Variants in ABLIM1 observed in about 807,000 individuals in gnomAD.
ABLIM1 encodes the protein actin binding LIM protein 1, also known as actin-binding LIM protein 1.
ABLIM1 carries 40 observed loss-of-function variants against 107.0 expected under a neutral mutation model. That is an observed-to-expected ratio of 0.37 (90% confidence interval 0.29 to 0.49). The LOEUF is 0.49. Among genes scored for constraint, ABLIM1 ranks in the 20% least tolerant of loss-of-function variants. ABLIM1 has a pLI of 0.97. For missense variants in ABLIM1, 857 were observed against 1,008.5 expected (o/e 0.85, Z 2.04); for synonymous variants, 357 against 357.3 (o/e 1.00, Z 0.01).
At chr10:114,733,529 A>G (rs1308977909) in intron 1 of ABLIM1, among the ~76,000 whole-genome samples, 1 of 152,208 alleles carries the variant, frequency 6.6e-6, no homozygotes, top group Admixed American at 6.5e-5. Context: ...ATGCTGAGCT[A>G]AAGTTATTTA....
chr10:114,594,376 T>C (rs1271437571), intron 2 of ABLIM1, among the ~76,000 whole-genome samples: 1 of 152,244 alleles, frequency 6.6e-6, no homozygotes, highest in Non-Finnish European at 1.5e-5. Context: ...CAGAAGATAA[T>C]GTTACTGTCT....
At chr10:114,749,368 C>T (rs1771388914) in intron 1 of ABLIM1, among the ~76,000 whole-genome samples, 1 of 151,858 alleles carries the variant, frequency 6.6e-6, no homozygotes, top group African/African-American at 2.4e-5. Flanking sequence ...GTACAGGACA[C>T]ATTCTTTGTT....
chr10:114,457,806 T>C (rs1212481374), intron 12 of ABLIM1, among the ~76,000 whole-genome samples: 1 of 152,204 alleles, frequency 6.6e-6, no homozygotes, highest in South Asian at 2.1e-4. Flanking sequence ...GCATGATGGC[T>C]TATGCCTGAA....
intron 6 of ABLIM1, among the ~76,000 whole-genome samples, chr10:114,510,064 A>G (rs745603859): frequency 6.6e-6 from 1 of 152,124 alleles, no homozygotes; most frequent in Non-Finnish European, 1.5e-5. Flanking sequence ...ACTACCTTCC[A>G]CCAGGTCCCT....
At chr10:114,447,504 C>T (rs902378756) in intron 15 of ABLIM1, among the ~76,000 whole-genome samples, 3 of 152,190 alleles carry the variant, frequency 2.0e-5, no homozygotes, top group East Asian at 3.8e-4. Context: ...TACAAACATT[C>T]GGTAAATTCA....
chr10:114,640,144 C>A (rs922965604), intron 1 of ABLIM1, among the ~76,000 whole-genome samples: 2 of 152,190 alleles, frequency 1.3e-5, no homozygotes, highest in Non-Finnish European at 2.9e-5. Flanking sequence ...GGGCAACTAG[C>A]GCTGTCTTCC....
intron 7 of ABLIM1, among the ~76,000 whole-genome samples, chr10:114,490,609 T>C (rs1299745702): frequency 1.3e-5 from 2 of 152,132 alleles, no homozygotes; most frequent in Non-Finnish European, 2.9e-5. Flanking sequence ...CTTGTTTGAT[T>C]AATAACTCTT....
intron 4 of ABLIM1, among the ~76,000 whole-genome samples, chr10:114,559,442 A>AAAAAAG (rs1324433267): frequency 8.5e-6 from 1 of 117,558 alleles, no homozygotes; most frequent in Non-Finnish European, 1.6e-5. Context: ...GTCTCTCAAA[A>AAAAAAG]AAAAAAAAAA....
rs1227532962 is a variant in ABLIM1 at position 114,433,251 on chromosome 10, T to C, written c.*3009A>G. On this transcript the variant is annotated 3_prime_UTR_variant, in exon 23 of 23. Transcript: ENST00000533213. ...ACAGGGTAGGGTAAAAGCAGACCAATAGCCATCTTGTGTGCTGTGACCAGG... is the reference window on the plus strand; with the variant it reads ...ACAGGGTAGGGTAAAAGCAGACCAACAGCCATCTTGTGTGCTGTGACCAGG... The C allele has an allele frequency of 2.0e-5, 3 of 152,204 alleles. No individual in the cohort carries two copies. Among genetic ancestry groups the C allele is most frequent in the East Asian group, 1.9e-4 (1 of 5,178 alleles). The allele number at this position is 152,204 out of a possible 1,614,324, so 9.4% of individuals were successfully genotyped here. A position where few individuals can be genotyped will look rare whatever the true frequency, so the allele number is the denominator to read the frequency against.
intron 4 of ABLIM1, among the ~76,000 whole-genome samples, chr10:114,550,197 G>C (rs181654967): frequency 6.0e-4 from 91 of 152,198 alleles, no homozygotes; most frequent in African/African-American, 2.2e-3. Context: ...GGTCATAAAA[G>C]ATTAAGCATT....
intron 8 of ABLIM1, among the ~76,000 whole-genome samples, chr10:114,481,574 TGCTAAGCAAA>T (rs2057378170): frequency 6.6e-6 from 1 of 152,168 alleles, no homozygotes; most frequent in Non-Finnish European, 1.5e-5. Flanking sequence ...GAATGCCCAC[TGCTAAGCAAA>T]GAAAGAGTGA....
intron 6 of ABLIM1, among the ~76,000 whole-genome samples, chr10:114,518,951 C>G (rs1302929210): frequency 1.3e-5 from 2 of 152,050 alleles, no homozygotes; most frequent in African/African-American, 4.8e-5. Flanking sequence ...GCTCCATAGG[C>G]ATGGGAAAGG....
At position 114,729,472 on chromosome 10, in the gene ABLIM1, A is replaced by G. The variant is rs185184446; in HGVS notation, c.-213+38589T>C. ...AAATACCCCAAGGGCCAAATCTGGA[A>G]GTAATTTGCACAGTCCAATTCCCAA... On this transcript the variant is annotated intron_variant, in intron 1 of 15. Transcript: ENST00000651092. Among the ~76,000 whole-genome samples the G allele has an allele frequency of 2.0e-5, 3 of 152,254 alleles. No homozygotes were observed. The East Asian group carries it at 5.8e-4, about 29-fold the overall frequency.
In ABLIM1 at chr10:114,760,551, CA is replaced by C. The variant is rs553242029; in HGVS notation, c.-213+7509del. On this transcript the variant is annotated intron_variant, in intron 1 of 15. Transcript: ENST00000651092. ...AATGTATAAGAATAGTTGCCTATGG[CA>C]AAAAGGTAATGAAATTAAATAATGG... 4.2e-4 allele frequency among the ~76,000 whole-genome samples: 64 copies of C among 151,734 alleles called. No individual in the cohort carries two copies. The Middle Eastern group carries it at 0.01, about 24-fold the overall frequency.
chr10:114,613,856 T>A, intron 1 of ABLIM1: 1 of 570,896 alleles, frequency 1.8e-6, no homozygotes, highest in Non-Finnish European at 2.7e-6. Context: ...TTGCTGGGTG[T>A]AACCTCTGCA....
At chr10:114,725,201 A>T (rs2081930933) in intron 1 of ABLIM1, among the ~76,000 whole-genome samples, 1 of 152,168 alleles carries the variant, frequency 6.6e-6, no homozygotes, top group South Asian at 2.1e-4. Flanking sequence ...TGAACTAACA[A>T]ATTCCACAAC....
rs2059049772 is a variant in ABLIM1, at chr10:114,433,343, C to T, written c.*2917G>A. On this transcript the variant is annotated 3_prime_UTR_variant, in exon 23 of 23. Coordinates refer to ENST00000533213, the MANE Select transcript of ABLIM1 (RefSeq NM_002313.7). Reference sequence around the variant, plus strand: ...AAATGTGCAGGCATTCTAGCCCACACATTCAATCTGGCAGTTAGCAGGAAC... The same window carrying T: ...AAATGTGCAGGCATTCTAGCCCACATATTCAATCTGGCAGTTAGCAGGAAC... The T allele has an allele frequency of 6.6e-6, 1 of 152,242 alleles. No individual in the cohort carries two copies. Among genetic ancestry groups the T allele is most frequent in the Non-Finnish European group, 1.5e-5 (1 of 68,046 alleles). 9.4% of individuals were successfully genotyped at this position (152,242 alleles called of 1,614,324 possible).
chr10:114,730,130 G>T (rs1449635011), intron 1 of ABLIM1, among the ~76,000 whole-genome samples: 1 of 152,124 alleles, frequency 6.6e-6, no homozygotes, highest in African/African-American at 2.4e-5. Context: ...GGGTGTGGTG[G>T]CTCACGCCTG....
chr10:114,731,540 C>T (rs371852535), intron 1 of ABLIM1, among the ~76,000 whole-genome samples: 11 of 151,738 alleles, frequency 7.2e-5, no homozygotes, highest in East Asian at 3.9e-4. Context: ...TGGCTCACTG[C>T]AACCTCCACC....
Sources: allele counts gnomAD v4.1 joint callset (sites outside exome capture counted in the v4.1 genomes callset), GRCh38; gene constraint gnomAD v4.1.1; transcripts MANE v1.5; gene names NCBI Gene and HGNC (gene_info 2026-07-23, HGNC 2026-07-21).